Variants in GHR observed in about 807,000 individuals in gnomAD.
GHR encodes GH receptor.
GHR carries 35 observed loss-of-function variants against 67.1 expected under a neutral mutation model. The observed-to-expected ratio is 0.52, with a 90% CI of 0.40 to 0.69. The LOEUF is 0.69. Among genes scored for constraint, GHR ranks in the 30% least tolerant of loss-of-function variants. GHR has a pLI of 0.00. For synonymous variants in GHR, 272 were observed against 269.1 expected (o/e 1.01, Z -0.10); for missense variants, 792 against 764.6 (o/e 1.04, Z -0.42).
At chr5:42,450,251 C>T (rs961460246) in intron 1 of GHR, among the ~76,000 whole-genome samples, 4 of 152,124 alleles carry the variant, frequency 2.6e-5, no homozygotes, top group African/African-American at 9.7e-5. Flanking sequence ...ATCCATCGCT[C>T]TTGGACTTTT....
rs185460295 is a variant in GHR, at chr5:42,676,676, C to T, written c.137-12214C>T. ...GTTCAGTTACTTTTAACAATAAAGA[C>T]AAGCCAAAAGAAATTACAGATCTCT... On this transcript the variant is annotated intron_variant, in intron 3 of 9. Transcript: ENST00000230882. Among the ~76,000 whole-genome samples, 7 of 152,240 alleles carry T rather than the reference C, an allele frequency of 4.6e-5. No homozygotes were observed. In the East Asian group the frequency reaches 1.4e-3, roughly 29 times the overall value.
chr5:42,704,205 C>T (rs1382008142), intron 6 of GHR, among the ~76,000 whole-genome samples: 1 of 151,772 alleles, frequency 6.6e-6, no homozygotes, highest in Non-Finnish European at 1.5e-5. Context: ...TTATATATGG[C>T]CTTTATTGTG....
chr5:42,531,375 G>A (rs1747960755), intron 1 of GHR, among the ~76,000 whole-genome samples: 1 of 152,144 alleles, frequency 6.6e-6, no homozygotes, highest in Non-Finnish European at 1.5e-5. Flanking sequence ...GAACTTATGA[G>A]TAGCAGAAAA....
At position 42,709,733 on chromosome 5, in the gene GHR, A is replaced by G. The variant is rs1043584406; in HGVS notation, c.619-1474A>G. Among the ~76,000 whole-genome samples the G allele has an allele frequency of 2.0e-5, 3 of 152,198 alleles. No homozygotes were observed. The South Asian group carries it at 6.2e-4, about 31-fold the overall frequency. ...TAGAAGAAGTATATTATCTGGCAGA[A>G]TAGAGTGGGGAAAAGTACCAGCAAA... On this transcript the variant is annotated intron_variant, in intron 6 of 9. Transcript: ENST00000230882.
chr5:42,576,135 A>AAATAC (rs1750721750), intron 2 of GHR, among the ~76,000 whole-genome samples: 1 of 96,960 alleles, frequency 1.0e-5, no homozygotes, highest in Non-Finnish European at 2.3e-5. Flanking sequence ...AAATAAAATA[A>AAATAC]AATAAAATAG....
chr5:42,479,608 T>A (rs1020557887), intron 1 of GHR, among the ~76,000 whole-genome samples: 26 of 152,352 alleles, frequency 1.7e-4, no homozygotes, highest in Non-Finnish European at 3.1e-4. Flanking sequence ...CCTGGTTTAG[T>A]CTTGGGAGGA....
At chr5:42,585,329 T>C (rs1386243364) in intron 2 of GHR, among the ~76,000 whole-genome samples, 1 of 152,230 alleles carries the variant, frequency 6.6e-6, no homozygotes, top group Non-Finnish European at 1.5e-5. Flanking sequence ...ACTAAACTGT[T>C]ACAGGTAAAA....
At chr5:42,716,854 A>G (rs1232354386) in intron 8 of GHR, among the ~76,000 whole-genome samples, 2 of 152,360 alleles carry the variant, frequency 1.3e-5, no homozygotes, top group East Asian at 1.9e-4. Context: ...TGGACTGACC[A>G]TTCACACTGA....
intron 1 of GHR, among the ~76,000 whole-genome samples, chr5:42,561,330 T>G (rs1302177650): frequency 2.6e-5 from 4 of 152,256 alleles, no homozygotes; most frequent in Admixed American, 2.0e-4. Flanking sequence ...ACCATTATTT[T>G]GATTGCTTTT....
rs539766070 is a variant in GHR at position 42,640,616 on chromosome 5, T to C, written c.136+11513T>C. On this transcript the variant is annotated intron_variant, in intron 3 of 9. Coordinates refer to ENST00000230882, the MANE Select transcript of GHR (RefSeq NM_000163.5). ...CTGGAAGGATAAGAAAAATCCTTCA[T>C]CTAGGTAGCGTATTTTGTATTTGAA... 7.6e-4 allele frequency among the ~76,000 whole-genome samples: 115 copies of C among 152,240 alleles called. 1 individual carries two copies. The highest frequency in any genetic ancestry group is 1.2e-3 in the Non-Finnish European group (80 of 68,012).
chr5:42,684,089 G>C (rs1032226697), intron 3 of GHR, among the ~76,000 whole-genome samples: 4 of 151,974 alleles, frequency 2.6e-5, no homozygotes, highest in Non-Finnish European at 5.9e-5. Context: ...GAACCTGATT[G>C]ACATTTGTAT....
At chr5:42,438,150 G>A (rs947806946) in intron 1 of GHR, among the ~76,000 whole-genome samples, 22 of 152,178 alleles carry the variant, frequency 1.4e-4, no homozygotes, top group Non-Finnish European at 2.8e-4. Context: ...TGCTTACTAT[G>A]ATCAAGGGCT....
At chr5:42,499,165 C>T (rs1746436053) in intron 1 of GHR, among the ~76,000 whole-genome samples, 1 of 152,044 alleles carries the variant, frequency 6.6e-6, no homozygotes, top group Admixed American at 6.6e-5. Context: ...TATGTCGAGG[C>T]AGCAGGTGTC....
intron 3 of GHR, among the ~76,000 whole-genome samples, chr5:42,666,530 C>T (rs1472088049): frequency 6.6e-6 from 1 of 152,192 alleles, no homozygotes; most frequent in East Asian, 1.9e-4. Context: ...AGATATTTTT[C>T]ACTCTTTTTA....
intron 8 of GHR, among the ~76,000 whole-genome samples, chr5:42,716,128 T>C (rs974574877): frequency 1.3e-5 from 2 of 151,362 alleles, no homozygotes; most frequent in Admixed American, 6.6e-5. Flanking sequence ...CATCTTTTTA[T>C]GTTTTTGGGA....
At chr5:42,467,571 GTT>G in intron 1 of GHR, 1 of 1,569,654 alleles carries the variant, frequency 6.4e-7, no homozygotes, top group Non-Finnish European at 8.7e-7. Flanking sequence ...CTAAGGAGAG[GTT>G]TTTTTGATAT....
At position 42,700,151 on chromosome 5, in the gene GHR, G is replaced by A. The variant is rs36201176; in HGVS notation, c.618+149G>A. ...TTAATTGAGAAAACATTATTTAACCGGTAAAATATTGTCTTGAAATTCTGT... is the reference window on the plus strand; with the variant it reads ...TTAATTGAGAAAACATTATTTAACCAGTAAAATATTGTCTTGAAATTCTGT... On this transcript the variant is annotated intron_variant, in intron 6 of 9. Coordinates refer to ENST00000230882, the MANE Select transcript of GHR (RefSeq NM_000163.5). 2,095 of 654,076 alleles carry A rather than the reference G, an allele frequency of 3.2e-3. 30 individuals are homozygous for A. The highest frequency in any genetic ancestry group is 0.032 in the African/African-American group (1,771 of 55,606). The allele number at this position is 654,076 out of a possible 1,614,324, so 40.5% of individuals were successfully genotyped here.
intron 1 of GHR, among the ~76,000 whole-genome samples, chr5:42,462,627 T>C (rs1248146583): frequency 6.6e-6 from 1 of 152,168 alleles, no homozygotes; most frequent in East Asian, 1.9e-4. Flanking sequence ...ATTTTCTTTT[T>C]TTGTTTCTGG....
intron 3 of GHR, among the ~76,000 whole-genome samples, chr5:42,676,042 T>G (rs1325979850): frequency 6.6e-6 from 1 of 152,090 alleles, no homozygotes; most frequent in Non-Finnish European, 1.5e-5. Context: ...ATCCCAGCAC[T>G]TTGGGAGGCC....
Sources: allele counts gnomAD v4.1 joint callset (sites outside exome capture counted in the v4.1 genomes callset), GRCh38; gene constraint gnomAD v4.1.1; transcripts MANE v1.5; gene names NCBI Gene and HGNC (gene_info 2026-07-23, HGNC 2026-07-21).